Variants in SEMA3E observed in about 807,000 individuals in gnomAD.
SEMA3E encodes semaphorin-3E.
In SEMA3E, 49 loss-of-function variants were observed where a neutral mutation model predicts 93.6. That is an observed-to-expected ratio of 0.52 (90% CI 0.42 to 0.66). The LOEUF is 0.66. Ranked by LOEUF, SEMA3E falls within the 30% of genes least tolerant of loss-of-function variation. The pLI, the probability that SEMA3E is intolerant of heterozygous loss-of-function variation, is 0.00. For missense variants in SEMA3E, 906 were observed against 964.8 expected (o/e 0.94, Z 0.81); for synonymous variants, 363 against 330.7 (o/e 1.10, Z -1.06).
chr7:83,648,911 C>A lies in SEMA3E; in HGVS notation c.-369G>T, dbSNP rs302114. 110,247 of 172,024 alleles carry A rather than the reference C, an allele frequency of 0.64. 35,655 individuals carry two copies. The highest frequency in any genetic ancestry group is 0.73 in the Admixed American group (12,246 of 16,806). 10.7% of individuals were successfully genotyped at this position (172,024 alleles called of 1,614,324 possible). ...AAAAAAAAAAAAAGAGAGAAAAAAA[C>A]AAAACCGAGCACACGCACTCCCTTC... On this transcript the variant is annotated 5_prime_UTR_variant, in exon 1 of 17. Coordinates refer to ENST00000643230, the MANE Select transcript of SEMA3E (RefSeq NM_012431.3).
intron 4 of SEMA3E, among the ~76,000 whole-genome samples, chr7:83,458,297 T>C (rs2115845944): frequency 6.6e-6 from 1 of 151,694 alleles, no homozygotes; most frequent in Non-Finnish European, 1.5e-5. Flanking sequence ...GCATCTTACA[T>C]TGGACAAATC....
chr7:83,513,701 C>T (rs749733394), intron 1 of SEMA3E, among the ~76,000 whole-genome samples: 6 of 152,044 alleles, frequency 3.9e-5, no homozygotes, highest in Non-Finnish European at 2.9e-5. Context: ...GGGTAATTTC[C>T]GTATGTAATT....
chr7:83,544,127 C>T (rs545709615), intron 1 of SEMA3E, among the ~76,000 whole-genome samples: 15 of 152,108 alleles, frequency 9.9e-5, no homozygotes, highest in African/African-American at 1.7e-4. Flanking sequence ...AAATAGGCAC[C>T]TGTATCATTG....
chr7:83,501,331 A>G (rs11977556), intron 1 of SEMA3E, among the ~76,000 whole-genome samples: 57,611 of 152,188 alleles, frequency 0.38, 11,614 homozygotes, highest in East Asian at 0.43. Context: ...TATTATTTAA[A>G]TCATAAATAC....
rs184685654 is a variant in SEMA3E at position 83,363,277 on chromosome 7, T to G, written c.*4309A>C. On this transcript the variant is annotated 3_prime_UTR_variant, in exon 17 of 17. Coordinates refer to ENST00000643230, the MANE Select transcript of SEMA3E (RefSeq NM_012431.3). ...AATATTTATTTCTTTTTCATCGAAGTTGAGCCAAATAGAGATTGTACATAA... is the reference window on the plus strand; with the variant it reads ...AATATTTATTTCTTTTTCATCGAAGGTGAGCCAAATAGAGATTGTACATAA... 3.3e-5 allele frequency: 5 copies of G among 152,330 alleles called. No homozygotes were observed. Among genetic ancestry groups the G allele is most frequent in the African/African-American group, 7.2e-5 (3 of 41,574 alleles). 9.4% of individuals were successfully genotyped at this position (152,330 alleles called of 1,614,324 possible). A position where few individuals can be genotyped will look rare whatever the true frequency, so the allele number is the denominator to read the frequency against.
At chr7:83,580,827 G>A (rs1250381168) in intron 1 of SEMA3E, among the ~76,000 whole-genome samples, 8 of 151,786 alleles carry the variant, frequency 5.3e-5, no homozygotes, top group African/African-American at 1.7e-4. Context: ...CAAATATAAG[G>A]CACTAAATGC....
intron 2 of SEMA3E, among the ~76,000 whole-genome samples, chr7:83,469,679 G>A (rs1789852744): frequency 6.6e-6 from 1 of 151,978 alleles, no homozygotes; most frequent in Non-Finnish European, 1.5e-5. Context: ...GCTGTGTGGT[G>A]GGCTCTCCTA....
intron 10 of SEMA3E, among the ~76,000 whole-genome samples, chr7:83,401,874 G>A (rs903121948): frequency 1.3e-5 from 2 of 151,966 alleles, no homozygotes; most frequent in Admixed American, 1.3e-4. Flanking sequence ...CACATACAAT[G>A]ATCCAAAGTT....
intron 1 of SEMA3E, among the ~76,000 whole-genome samples, chr7:83,618,083 G>A (rs1793461540): frequency 6.6e-6 from 1 of 152,196 alleles, no homozygotes; most frequent in South Asian, 2.1e-4. Flanking sequence ...CAGAAGAGAT[G>A]GCACCAGCAT....
At chr7:83,454,272 A>AAATATATATATATATATATATAT (rs1257792756) in intron 4 of SEMA3E, among the ~76,000 whole-genome samples, 1 of 110,136 alleles carries the variant, frequency 9.1e-6, no homozygotes, top group African/African-American at 4.3e-5. Context: ...AAAAAAAAAA[A>AAATATATATATATATATATATAT]ATATATATAT....
intron 1 of SEMA3E, among the ~76,000 whole-genome samples, chr7:83,547,831 A>T (rs1791682664): frequency 6.6e-6 from 1 of 151,910 alleles, no homozygotes; most frequent in South Asian, 2.1e-4. Context: ...AAGCAGCCAG[A>T]CTCCAGTAGG....
At chr7:83,631,247 A>C (rs1024875897) in intron 1 of SEMA3E, among the ~76,000 whole-genome samples, 1 of 152,124 alleles carries the variant, frequency 6.6e-6, no homozygotes, top group Non-Finnish European at 1.5e-5. Context: ...CTTGAAATTG[A>C]TCTTTCATTT....
chr7:83,539,893 G>GTGTA (rs1791485278), intron 1 of SEMA3E, among the ~76,000 whole-genome samples: 2 of 151,198 alleles, frequency 1.3e-5, no homozygotes. Flanking sequence ...GTGTGTGTGT[G>GTGTA]TGTTTGAAGT....
intron 2 of SEMA3E, among the ~76,000 whole-genome samples, chr7:83,484,277 A>G (rs1263035311): frequency 6.6e-6 from 1 of 152,136 alleles, no homozygotes; most frequent in Non-Finnish European, 1.5e-5. Context: ...AAGATTTAAA[A>G]TAATAAAACC....
chr7:83,549,784 C>T, intron 1 of SEMA3E, among the ~76,000 whole-genome samples: 1 of 152,084 alleles, frequency 6.6e-6, no homozygotes, highest in Non-Finnish European at 1.5e-5. Flanking sequence ...AACATGAGTG[C>T]TTTTTCATTT....
chr7:83,628,445 T>G (rs912065183), intron 1 of SEMA3E, among the ~76,000 whole-genome samples: 1 of 152,136 alleles, frequency 6.6e-6, no homozygotes, highest in African/African-American at 2.4e-5. Context: ...TAGTTTGGTT[T>G]CTACACACAG....
chr7:83,567,794 T>C (rs1265670830), intron 1 of SEMA3E, among the ~76,000 whole-genome samples: 1 of 151,542 alleles, frequency 6.6e-6, no homozygotes, highest in Non-Finnish European at 1.5e-5. Flanking sequence ...AAAGTCTACA[T>C]CAAAAAAGTA....
intron 4 of SEMA3E, among the ~76,000 whole-genome samples, chr7:83,444,372 C>G (rs886562819): frequency 3.3e-5 from 5 of 152,086 alleles, no homozygotes; most frequent in African/African-American, 1.2e-4. Context: ...AAGAGGTCCT[C>G]CCTCCTTTGT....
At chr7:83,428,684 A>G (rs947490856) in intron 4 of SEMA3E, among the ~76,000 whole-genome samples, 2 of 152,184 alleles carry the variant, frequency 1.3e-5, no homozygotes, top group Non-Finnish European at 2.9e-5. Flanking sequence ...AACAGGAGTA[A>G]AATAGCAAGT....
Sources: allele counts gnomAD v4.1 joint callset (sites outside exome capture counted in the v4.1 genomes callset), GRCh38; gene constraint gnomAD v4.1.1; transcripts MANE v1.5; gene names NCBI Gene and HGNC (gene_info 2026-07-23, HGNC 2026-07-21).